Variants in NUP205 observed in about 807,000 individuals in gnomAD.
NUP205 encodes nucleoporin 205, also known as nuclear pore complex protein Nup205.
NUP205 carries 76 observed loss-of-function variants against 253.8 expected under a neutral mutation model. The ratio of observed to expected loss-of-function variants is 0.30; its 90% CI spans 0.25 to 0.36. The LOEUF (loss-of-function observed/expected upper bound fraction) is 0.36, where lower values mean the gene tolerates loss of function less well. Among genes scored for constraint, NUP205 ranks in the 10% least tolerant of loss-of-function variants. The probability of loss-of-function intolerance (pLI) is 1.00; values close to 1 mark genes in which losing one functional copy is unlikely to be tolerated. For synonymous variants in NUP205, 832 were observed against 850.1 expected, an observed-to-expected ratio of 0.98 and a Z score of 0.37; for missense variants, 2,162 against 2,425.5, an observed-to-expected ratio of 0.89 and a Z score of 2.28.
intron 33 of NUP205, 141 bp from the exon 34 acceptor site, chr7:135,627,832 A>G (rs986450505): frequency 4.5e-6 from 3 of 667,720 alleles, no homozygotes; most frequent in South Asian, 2.4e-5. Flanking sequence ...CCGCGGATGT[A>G]TATATGGGAT....
intron 34 of NUP205, among the ~76,000 whole-genome samples, chr7:135,628,645 C>G (rs948391670): frequency 6.6e-6 from 1 of 152,106 alleles, no homozygotes; most frequent in Non-Finnish European, 1.5e-5. Context: ...ACTAACATTC[C>G]AACACACATT....
Position 135,648,545 on chromosome 7 carries a change from T to G in NUP205, c.6028T>G (p.Ser2010Ala). 6.4e-7 allele frequency: 1 copy of G among 1,562,620 alleles called. No homozygotes were observed. Among genetic ancestry groups the G allele is most frequent in the South Asian group, 1.2e-5 (1 of 81,886 alleles). ...ACGTATCCGTGGCCTCTTGAGGATA[T>G]CAAGGAACTGAGAGCCCGTGCTTAT... The part of the protein sequence containing the change: ...VRRIRGLLRI[S>A]RN The change falls in exon 43 of 43, where the codon TCA (serine) becomes GCA (alanine). Residue 2010 changes from serine to alanine, a missense_variant. Ser to Ala is a moderately conservative substitution (Grantham distance 99). Around this residue, in one of 5 missense-constraint regions of NUP205, gnomAD observed 1,144 missense variants for 1,280.9 expected, o/e 0.89. Transcript: ENST00000285968.
At chr7:135,607,939 C>T (rs905378393) in intron 22 of NUP205, among the ~76,000 whole-genome samples, 34 of 151,660 alleles carry the variant, frequency 2.2e-4, no homozygotes, top group Admixed American at 2.2e-3. Flanking sequence ...GTAGCTGGGA[C>T]TATATGTGTG....
At chr7:135,596,885 A>G (rs764579873) in intron 13 of NUP205, among the ~76,000 whole-genome samples, 12 of 151,264 alleles carry the variant, frequency 7.9e-5, no homozygotes, top group Admixed American at 2.0e-4. Context: ...TGAGCCCAGG[A>G]GACGGAGGTT....
intron 37 of NUP205, 31 bp downstream of exon 37, chr7:135,638,090 T>TA: frequency 6.3e-7 from 1 of 1,599,070 alleles, no homozygotes; most frequent in South Asian, 1.1e-5. Flanking sequence ...CTAAGGTTTT[T>TA]ATGTTTTTGG....
chr7:135,611,289 C>T (rs59053976), intron 22 of NUP205, among the ~76,000 whole-genome samples: 5,248 of 152,226 alleles, frequency 0.034, 119 homozygotes, highest in Middle Eastern at 0.096. Context: ...GGATTACATG[C>T]GTGAGTCACT....
At chr7:135,628,193 C>A in intron 34 of NUP205, 82 bp downstream of exon 34, 1 of 1,350,156 alleles carries the variant, frequency 7.4e-7, no homozygotes, top group Non-Finnish European at 1.0e-6. Flanking sequence ...ACATAGAATG[C>A]TTAAGTGAAT....
chr7:135,575,621 G>T (rs188004282), intron 3 of NUP205, among the ~76,000 whole-genome samples: 1 of 152,222 alleles, frequency 6.6e-6, no homozygotes, highest in African/African-American at 2.4e-5. Flanking sequence ...ATGGTGAAAT[G>T]CCATCGCTAC....
chr7:135,591,744 T>C, intron 11 of NUP205, 144 bp downstream of exon 11: 1 of 653,664 alleles, frequency 1.5e-6, no homozygotes. Flanking sequence ...GAAGGAAGCA[T>C]GCATACAGCT....
In NUP205 at chr7:135,573,693, A is replaced by G. The variant is rs775826921; in HGVS notation, c.211A>G (p.Ser71Gly). 7 of 1,612,942 alleles carry G rather than the reference A, an allele frequency of 4.3e-6. No homozygotes were observed. Among genetic ancestry groups the G allele is most frequent in the South Asian group, 1.1e-5 (1 of 90,738 alleles). Residue 71 changes from serine to glycine, a missense_variant, in exon 3 of 43, where the codon AGT becomes GGT. Physicochemically the swap from Ser to Gly is moderately conservative, Grantham distance 56. Around this residue, in one of 5 missense-constraint regions of NUP205, gnomAD observed 109 missense variants for 131.8 expected, o/e 0.83. Coordinates refer to ENST00000285968, the MANE Select transcript of NUP205 (RefSeq NM_015135.3). Reference protein sequence around the residue: ...VQQHEKVQKASTEGVAIQGQQ... With the variant: ...VQQHEKVQKAGTEGVAIQGQQ... ...ACAGCATGAGAAGGTTCAGAAAGCC[A>G]GTACAGAGGGAGTCGCCATTCAGGG...
rs1794407519 is a variant in NUP205, at chr7:135,618,594, G to A, written c.3954G>A (p.Val1318=). The A allele has an allele frequency of 6.3e-7, 1 of 1,596,172 alleles. No individual in the cohort carries two copies. Among genetic ancestry groups the A allele is most frequent in the African/African-American group, 1.3e-5 (1 of 74,450 alleles). Residue 1318 remains valine, a synonymous_variant, in exon 28 of 43, where the codon GTG becomes GTA. Transcript: ENST00000285968. The part of the protein sequence containing the change: ...QLIIRDILQD[V]HDKILDDEAA... ...TTATTCGTGATATTTTACAAGATGT[G>A]CATGATAAGGTGACGTACTTCCTAA...
At chr7:135,642,410 C>T (rs1794930742) in intron 38 of NUP205, among the ~76,000 whole-genome samples, 1 of 151,944 alleles carries the variant, frequency 6.6e-6, no homozygotes, top group Non-Finnish European at 1.5e-5. Context: ...TGGTCTTGAA[C>T]TCCTGGCCTC....
At position 135,619,650 on chromosome 7, in the gene NUP205, C is replaced by T. The variant is rs374876615; in HGVS notation, c.4191C>T (p.Tyr1397=). ...GFASIGDSSL[Y]IILKKLLDFI... is the part of the protein sequence containing the mutation. ...CTTCTATTGGAGATTCTTCACTTTA[C>T]ATCATATTGAAGAAACTGTTAGACT... Residue 1397 remains tyrosine (Y), a synonymous_variant, in exon 29 of 43, where the codon TAC becomes TAT. Coordinates refer to ENST00000285968, the MANE Select transcript of NUP205 (RefSeq NM_015135.3). The T allele has an allele frequency of 1.3e-5, 21 of 1,613,770 alleles. No homozygotes were observed. The highest frequency in any genetic ancestry group is 2.7e-5 in the African/African-American group (2 of 74,932).
At position 135,576,429 on chromosome 7, in the gene NUP205, T is replaced by C. The variant is rs141719180; in HGVS notation, c.488+15T>C. ...CTAGAACTCAGGTCTTTTTACTTCT[T>C]GGGATTTCAGGGGTTAATTTGAAAT... On this transcript the variant is annotated intron_variant, in intron 4 of 42. Coordinates refer to ENST00000285968, the MANE Select transcript of NUP205 (RefSeq NM_015135.3). 4.3e-3 allele frequency: 6,942 copies of C among 1,601,090 alleles called. 22 individuals are homozygous for C. The highest frequency in any genetic ancestry group is 5.1e-3 in the Non-Finnish European group (6,017 of 1,174,492).
chr7:135,560,835 G>A (rs1225324741), intron 1 of NUP205, among the ~76,000 whole-genome samples: 2 of 152,158 alleles, frequency 1.3e-5, no homozygotes, highest in Admixed American at 6.6e-5. Context: ...AGGGGAAAGT[G>A]GGGAGTTGTT....
chr7:135,587,641 A>G lies in NUP205; in HGVS notation c.1285A>G (p.Asn429Asp), dbSNP rs1481351848. The G allele has an allele frequency of 3.1e-6, 5 of 1,611,490 alleles. No homozygotes were observed. The highest frequency in any genetic ancestry group is 4.2e-6 in the Non-Finnish European group (5 of 1,178,836). ...GATTCACATGAGTATGCAGATGGGTAATGAACCCCCCATTTCACTTAGAAG... is the reference window on the plus strand; with the variant it reads ...GATTCACATGAGTATGCAGATGGGTGATGAACCCCCCATTTCACTTAGAAG... ...RMIHMSMQMG[N>D]EPPISLRRDL... is the part of the protein sequence containing the mutation. The change falls in exon 9 of 43, where the codon AAT (asparagine) becomes GAT (aspartate). Residue 429 changes from asparagine to aspartate, a missense_variant. This residue lies in a region of NUP205 where 892 missense variants were observed against 957.1 expected (regional missense o/e 0.93). Transcript: ENST00000285968.
intron 33 of NUP205, 136 bp downstream of exon 33, chr7:135,626,497 CCT>C (rs1181665425): frequency 1.1e-6 from 1 of 871,346 alleles, no homozygotes; most frequent in Non-Finnish European, 1.7e-6. Flanking sequence ...ATACTGTGCC[CCT>C]GTCATTTACT....
At chr7:135,585,794 G>A (rs1383015330) in intron 8 of NUP205, among the ~76,000 whole-genome samples, 7 of 152,040 alleles carry the variant, frequency 4.6e-5, no homozygotes, top group Admixed American at 4.6e-4. Flanking sequence ...TGCCCACCTC[G>A]GCCTCCCAAA....
chr7:135,601,154 T>C (rs1477173514), intron 16 of NUP205, among the ~76,000 whole-genome samples, 185 bp downstream of exon 16: 2 of 152,206 alleles, frequency 1.3e-5, no homozygotes, highest in Non-Finnish European at 2.9e-5. Flanking sequence ...TCAAGAACAC[T>C]GCATTACAAT....
Sources: gnomAD v4.1 joint callset for allele counts (sites outside exome capture counted in the v4.1 genomes callset) on GRCh38, gnomAD v4.1.1 for gene constraint, gnomAD v4.1.1 regional missense constraint, MANE v1.5 for transcripts, NCBI Gene and HGNC (gene_info 2026-07-23, HGNC 2026-07-21) for gene names.